Variants in IGSF21 observed in about 807,000 individuals in gnomAD.
The protein encoded by IGSF21 is immunoglobulin superfamily member 21.
Under a neutral mutation model 46.8 loss-of-function variants are expected in IGSF21, and 28 were observed. The ratio of observed to expected loss-of-function variants is 0.60; its 90% confidence interval spans 0.44 to 0.82. The LOEUF (loss-of-function observed/expected upper bound fraction) is 0.82. Among genes scored for constraint, IGSF21 ranks in the 40% least tolerant of loss-of-function variants. The pLI, the probability that IGSF21 is intolerant of heterozygous loss-of-function variation, is 0.00. For synonymous variants in IGSF21, 284 were observed against 273.6 expected (o/e 1.04, Z -0.38); for missense variants, 624 against 665.5 (o/e 0.94, Z 0.69).
chr1:18,129,264 C>G (rs2086298455), intron 1 of IGSF21, among the ~76,000 whole-genome samples: 9 of 151,902 alleles, frequency 5.9e-5, no homozygotes, highest in Admixed American at 5.9e-4. Context: ...GGGAGGGCAC[C>G]AGGATGGCAA....
chr1:18,372,866 G>A (rs61625860), intron 6 of IGSF21, among the ~76,000 whole-genome samples: 26,704 of 113,366 alleles, frequency 0.24, 2,928 homozygotes, highest in African/African-American at 0.3. Context: ...GGATGGATGG[G>A]TGGATGGATG....
intron 1 of IGSF21, among the ~76,000 whole-genome samples, chr1:18,201,849 TC>T (rs2087078596): frequency 6.6e-6 from 1 of 152,168 alleles, no homozygotes; most frequent in Non-Finnish European, 1.5e-5. Flanking sequence ...GGCCCAAGCA[TC>T]CCTTCCTGTG....
intron 2 of IGSF21, among the ~76,000 whole-genome samples, chr1:18,232,188 A>G (rs553524177): frequency 3.3e-5 from 4 of 120,714 alleles, no homozygotes; most frequent in African/African-American, 1.2e-4. Flanking sequence ...TTCACAGCTC[A>G]TATAGATAAG....
At chr1:18,272,796 C>T (rs1407873119) in intron 2 of IGSF21, among the ~76,000 whole-genome samples, 2 of 152,206 alleles carry the variant, frequency 1.3e-5, no homozygotes, top group East Asian at 3.9e-4. Flanking sequence ...TTCAAAGATG[C>T]ACTTAACTTT....
intron 8 of IGSF21, 131 bp downstream of exon 8, chr1:18,377,123 G>C: frequency 1.0e-6 from 1 of 979,212 alleles, no homozygotes; most frequent in Non-Finnish European, 1.5e-6. Context: ...TGCCCTGAGA[G>C]GGTGCCCCAC....
intron 3 of IGSF21, among the ~76,000 whole-genome samples, chr1:18,309,316 G>A (rs2085457488): frequency 6.6e-6 from 1 of 152,150 alleles, no homozygotes; most frequent in South Asian, 2.1e-4. Flanking sequence ...AGGGCTTACT[G>A]TGTGCCAAGC....
intron 3 of IGSF21, among the ~76,000 whole-genome samples, chr1:18,318,415 T>C (rs2085565076): frequency 6.6e-6 from 1 of 152,214 alleles, no homozygotes; most frequent in South Asian, 2.1e-4. Flanking sequence ...ACAGATCACT[T>C]CTGCAGGCCT....
Position 18,328,895 on chromosome 1 carries a change from C to T in IGSF21, c.306-5997C>T, listed in dbSNP as rs2085684494. ...GCAGAGGCTGTAAACTCGTGTGGGG[C>T]GTGGAGAATGTGCACAGGACTTGCT... On this transcript the variant is annotated intron_variant, in intron 3 of 9. Transcript: ENST00000251296. Among the ~76,000 whole-genome samples, 4 of 152,210 alleles carry T rather than the reference C, an allele frequency of 2.6e-5. No homozygotes were observed. In the South Asian group the frequency reaches 6.2e-4, roughly 24 times the overall value.
intron 1 of IGSF21, among the ~76,000 whole-genome samples, chr1:18,116,034 A>T (rs1355079212): frequency 6.6e-6 from 1 of 152,126 alleles, no homozygotes. Context: ...TTGGGAGATA[A>T]TATTCTCCCC....
intron 1 of IGSF21, among the ~76,000 whole-genome samples, chr1:18,179,706 G>T (rs2086838247): frequency 6.6e-6 from 1 of 152,134 alleles, no homozygotes; most frequent in African/African-American, 2.4e-5. Flanking sequence ...GTCGGCTTGG[G>T]GGTGAGGGTC....
chr1:18,236,289 G>T (rs2084672008), intron 2 of IGSF21, among the ~76,000 whole-genome samples: 1 of 152,176 alleles, frequency 6.6e-6, no homozygotes, highest in African/African-American at 2.4e-5. Flanking sequence ...CCCTGCACAA[G>T]ATCCTCTTGC....
intron 3 of IGSF21, among the ~76,000 whole-genome samples, chr1:18,306,897 C>T (rs192903504): frequency 1.1e-3 from 161 of 152,326 alleles, no homozygotes; most frequent in Middle Eastern, 3.4e-3. Context: ...AGACCAGGCC[C>T]CAGGGTGACC....
chr1:18,153,882 G>A (rs1192105957), intron 1 of IGSF21, among the ~76,000 whole-genome samples: 2 of 152,312 alleles, frequency 1.3e-5, no homozygotes, highest in South Asian at 2.1e-4. Context: ...AGCTGCTGTG[G>A]ACTGGAACCC....
intron 2 of IGSF21, among the ~76,000 whole-genome samples, chr1:18,233,765 GGC>G (rs2084649051): frequency 6.6e-6 from 1 of 152,062 alleles, no homozygotes; most frequent in Non-Finnish European, 1.5e-5. Flanking sequence ...AAGGGATATG[GGC>G]AGAGACAACG....
intron 1 of IGSF21, chr1:18,115,269 C>G (rs1161526495): frequency 6.6e-6 from 1 of 152,570 alleles, no homozygotes; most frequent in Non-Finnish European, 1.5e-5. Flanking sequence ...TCCACAGCCC[C>G]CCACCACACA....
intron 2 of IGSF21, among the ~76,000 whole-genome samples, chr1:18,258,652 G>T (rs72932947): frequency 0.056 from 8,468 of 152,222 alleles, 687 homozygotes; most frequent in African/African-American, 0.18. Context: ...GCTCAGACCT[G>T]CATTCAAAGC....
rs371257398 is a variant in IGSF21, at chr1:18,255,470, C to T, written c.183+27460C>T. ...CAGATGACAAAATAAAGGCTCAAAT[C>T]CCTTCTCCTGATTCTGCCATCATGC... On this transcript the variant is annotated intron_variant, in intron 2 of 9. Coordinates refer to ENST00000251296, the MANE Select transcript of IGSF21 (RefSeq NM_032880.5). Among the ~76,000 whole-genome samples, 7 of 152,254 alleles carry T rather than the reference C, an allele frequency of 4.6e-5. No homozygotes were observed. In the East Asian group the frequency reaches 9.7e-4, roughly 21 times the overall value.
chr1:18,332,927 G>C (rs896184269), intron 3 of IGSF21, among the ~76,000 whole-genome samples: 2 of 152,194 alleles, frequency 1.3e-5, no homozygotes, highest in African/African-American at 4.8e-5. Context: ...AGGGGAAAAG[G>C]AGCCAGAAGA....
At chr1:18,275,442 TGG>T (rs961103133) in intron 2 of IGSF21, among the ~76,000 whole-genome samples, 1 of 152,038 alleles carries the variant, frequency 6.6e-6, no homozygotes, top group Non-Finnish European at 1.5e-5. Flanking sequence ...GAAGCAGAGG[TGG>T]GCCCAGCTGC....
Sources: gnomAD v4.1 joint callset for allele counts (sites outside exome capture counted in the v4.1 genomes callset) on GRCh38, gnomAD v4.1.1 for gene constraint, MANE v1.5 for transcripts, NCBI Gene and HGNC (gene_info 2026-07-23, HGNC 2026-07-21) for gene names.